Variants in MLLT3 observed in about 807,000 individuals in gnomAD.
The protein encoded by MLLT3 is protein AF-9.
Under a neutral mutation model 53.2 loss-of-function variants are expected in MLLT3, and 4 were observed. The observed-to-expected ratio is 0.08, with a 90% CI of 0.04 to 0.17. MLLT3 has a LOEUF of 0.17. Among genes scored for constraint, MLLT3 ranks in the 10% least tolerant of loss-of-function variants. MLLT3 has a pLI of 1.00. For missense variants in MLLT3, 569 were observed against 684.0 expected (o/e 0.83, Z 1.87); for synonymous variants, 283 against 230.6 (o/e 1.23, Z -2.06).
intron 4 of MLLT3, among the ~76,000 whole-genome samples, chr9:20,447,807 A>T (rs1457839360): frequency 6.6e-6 from 1 of 152,178 alleles, no homozygotes; most frequent in African/African-American, 2.4e-5. Flanking sequence ...ACACAGTTCA[A>T]ATATTATTCT....
At chr9:20,466,157 T>G (rs1353478157) in intron 2 of MLLT3, among the ~76,000 whole-genome samples, 2 of 150,752 alleles carry the variant, frequency 1.3e-5, no homozygotes, top group African/African-American at 2.4e-5. Flanking sequence ...GAGGTTGATT[T>G]TGGATTTTAG....
chr9:20,597,027 A>C (rs1175730451), intron 2 of MLLT3, among the ~76,000 whole-genome samples: 1 of 152,138 alleles, frequency 6.6e-6, no homozygotes, highest in Non-Finnish European at 1.5e-5. Context: ...TGTGTTCCTA[A>C]GTATTTTACT....
At position 20,590,639 on chromosome 9, in the gene MLLT3, G is replaced by A. The variant is rs186234129; in HGVS notation, c.193+30015C>T. On this transcript the variant is annotated intron_variant, in intron 2 of 10. Transcript: ENST00000380338. ...AGTTTCCTGAGGCCTCTCCAGCCAT[G>A]TGGAGCTCTGAGTCAATTAAACCTC... 1.8e-3 allele frequency among the ~76,000 whole-genome samples: 279 copies of A among 152,306 alleles called. 1 individual carries two copies. Among genetic ancestry groups the A allele is most frequent in the Non-Finnish European group, 3.3e-3 (225 of 68,030 alleles).
At chr9:20,350,092 C>T (rs1242237115) in intron 10 of MLLT3, among the ~76,000 whole-genome samples, 2 of 152,178 alleles carry the variant, frequency 1.3e-5, no homozygotes, top group African/African-American at 2.4e-5. Context: ...ACGTCAGAAA[C>T]AACATTAACA....
At chr9:20,526,338 G>A (rs183713411) in intron 2 of MLLT3, among the ~76,000 whole-genome samples, 17 of 152,108 alleles carry the variant, frequency 1.1e-4, no homozygotes, top group Non-Finnish European at 2.9e-5. Flanking sequence ...GCCTTCCCCA[G>A]TACCCACTAA....
At chr9:20,387,252 G>T (rs1822062265) in intron 5 of MLLT3, among the ~76,000 whole-genome samples, 1 of 152,134 alleles carries the variant, frequency 6.6e-6, no homozygotes, top group African/African-American at 2.4e-5. Flanking sequence ...GCATGGCTGT[G>T]TTCAATAAAA....
In MLLT3 at chr9:20,414,312, ACTGCTG is replaced by A. The variant is rs747298605; in HGVS notation, c.528_533del (p.Ser189_Ser190del). ...TGCTGCTGCTGCTACTGCTGCTGCT[ACTGCTG>A]CTGCTGCTGCTGCTGCTGCTGCTGC... is the stretch of plus-strand genomic sequence containing the variant. On this transcript the variant is annotated inframe_deletion, in exon 5 of 11. Coordinates refer to ENST00000380338, the MANE Select transcript of MLLT3 (RefSeq NM_004529.4). 21 of 1,564,926 alleles carry A rather than the reference ACTGCTG, an allele frequency of 1.3e-5. No individual in the cohort carries two copies. Among genetic ancestry groups the A allele is most frequent in the South Asian group, 6.9e-5 (6 of 87,412 alleles).
intron 2 of MLLT3, among the ~76,000 whole-genome samples, chr9:20,590,500 G>A (rs548924629): frequency 3.3e-5 from 5 of 152,256 alleles, no homozygotes; most frequent in East Asian, 1.9e-4. Flanking sequence ...AAAGTGTGGC[G>A]CTTCACTTGT....
At chr9:20,451,379 A>AAT (rs1823834556) in intron 3 of MLLT3, among the ~76,000 whole-genome samples, 1 of 152,232 alleles carries the variant, frequency 6.6e-6, no homozygotes, top group African/African-American at 2.4e-5. Flanking sequence ...AATACACATT[A>AAT]ATTACCAGCA....
chr9:20,359,238 G>C (rs1821257605), intron 8 of MLLT3, among the ~76,000 whole-genome samples: 1 of 149,316 alleles, frequency 6.7e-6, no homozygotes, highest in African/African-American at 2.5e-5. Flanking sequence ...TTTACAAAAG[G>C]ATCCCAAATT....
At chr9:20,365,939 A>G (rs924419357) in intron 5 of MLLT3, among the ~76,000 whole-genome samples, 195 bp from the exon 6 acceptor site, 1 of 152,226 alleles carries the variant, frequency 6.6e-6, no homozygotes, top group Admixed American at 6.5e-5. Flanking sequence ...AGAAACAAGT[A>G]TAAAAACTTG....
At chr9:20,373,643 A>AAAT (rs1821678337) in intron 5 of MLLT3, among the ~76,000 whole-genome samples, 2 of 152,142 alleles carry the variant, frequency 1.3e-5, no homozygotes, top group African/African-American at 4.8e-5. Context: ...AGTACAGTAT[A>AAAT]ACTAGTTAAA....
chr9:20,425,525 T>G (rs575864839), intron 4 of MLLT3, among the ~76,000 whole-genome samples: 2 of 152,144 alleles, frequency 1.3e-5, no homozygotes, highest in Non-Finnish European at 2.9e-5. Context: ...AAATACATTT[T>G]GCATTAGAAA....
chr9:20,479,778 G>A (rs1437650921), intron 2 of MLLT3, among the ~76,000 whole-genome samples: 1 of 152,150 alleles, frequency 6.6e-6, no homozygotes, highest in Non-Finnish European at 1.5e-5. Flanking sequence ...ACATCATACA[G>A]ATAACATTCA....
chr9:20,356,385 G>A (rs1269385572), intron 8 of MLLT3, among the ~76,000 whole-genome samples: 3 of 152,144 alleles, frequency 2.0e-5, no homozygotes, highest in South Asian at 4.2e-4. Context: ...CACTGTAAAG[G>A]AAACCAAATA....
At chr9:20,520,506 C>T (rs1279004263) in intron 2 of MLLT3, among the ~76,000 whole-genome samples, 2 of 152,058 alleles carry the variant, frequency 1.3e-5, no homozygotes, top group African/African-American at 4.8e-5. Flanking sequence ...AAAGTGATTT[C>T]CTTCATGTAA....
chr9:20,558,460 C>T lies in MLLT3; in HGVS notation c.193+62194G>A, dbSNP rs568692938. On this transcript the variant is annotated intron_variant, in intron 2 of 10. Transcript: ENST00000380338. The stretch of plus-strand genomic sequence containing the variant: ...CCAACCAGGAAGCATCTTTCCAACC[C>T]GAACTGCAATATAACTTTTTCATTG... 2.0e-5 allele frequency among the ~76,000 whole-genome samples: 3 copies of T among 152,164 alleles called. No individual in the cohort carries two copies. The South Asian group carries it at 6.2e-4, about 32-fold the overall frequency.
At chr9:20,559,539 T>C (rs2131150636) in intron 2 of MLLT3, among the ~76,000 whole-genome samples, 1 of 152,298 alleles carries the variant, frequency 6.6e-6, no homozygotes, top group South Asian at 2.1e-4. Context: ...GAGTTTATTA[T>C]ATGGGGATAT....
At chr9:20,522,736 TAGA>T (rs1165982006) in intron 2 of MLLT3, among the ~76,000 whole-genome samples, 55 of 151,982 alleles carry the variant, frequency 3.6e-4, no homozygotes, top group Admixed American at 3.4e-3. Context: ...AGCCACAGAC[TAGA>T]AGGAAATAAA....
Sources: allele counts gnomAD v4.1 joint callset (sites outside exome capture counted in the v4.1 genomes callset), GRCh38; gene constraint gnomAD v4.1.1; transcripts MANE v1.5; gene names NCBI Gene and HGNC (gene_info 2026-07-23, HGNC 2026-07-21).